The following ARHGAP21 variants were observed in gnomAD, a reference collection of about 807,000 sequenced individuals.
The protein encoded by ARHGAP21 is Rho GTPase activating protein 21, also known as rho GTPase-activating protein 21.
Under a neutral mutation model 164.6 loss-of-function variants are expected in ARHGAP21, and 38 were observed. The ratio of observed to expected loss-of-function variants is 0.23; its 90% CI spans 0.18 to 0.30. The LOEUF (loss-of-function observed/expected upper bound fraction) is 0.30. Ranked by LOEUF, ARHGAP21 falls within the 10% of genes least tolerant of loss-of-function variation. ARHGAP21 has a pLI of 1.00. For missense variants in ARHGAP21, 1,822 were observed against 2,370.7 expected (o/e 0.77, Z 4.81); for synonymous variants, 766 against 857.9 (o/e 0.89, Z 1.87).
rs1239468234 is a variant in ARHGAP21 at position 24,621,362 on chromosome 10, G to A, written c.533C>T (p.Ser178Phe). 6.3e-7 allele frequency: 1 copy of A among 1,597,550 alleles called. No homozygotes were observed. Among genetic ancestry groups the A allele is most frequent in the African/African-American group, 1.3e-5 (1 of 74,572 alleles). The change falls in exon 9 of 26, where the codon TCT (serine) becomes TTT (phenylalanine). Residue 178 changes from serine (S) to phenylalanine (F), a missense_variant. Ser to Phe is a radical substitution (Grantham distance 155, BLOSUM62 -2). Transcript: ENST00000396432. ...GTTGCCTTTCAGGTAGGCATCTTGA[G>A]AATATGCCTGTATAGAAATGAGAGG... is the stretch of plus-strand genomic sequence containing the variant. Reference protein sequence around the residue: ...FTKDVTALAYSQDAYLKGNEA... With the variant: ...FTKDVTALAYFQDAYLKGNEA...
chr10:24,648,747 C>G (rs2131523017), intron 4 of ARHGAP21: 2 of 937,974 alleles, frequency 2.1e-6, no homozygotes, highest in South Asian at 9.9e-5. Context: ...CCATCGCACT[C>G]CAGCCTAAGC....
At chr10:24,654,117 G>A (rs1838525405) in intron 4 of ARHGAP21, among the ~76,000 whole-genome samples, 1 of 152,094 alleles carries the variant, frequency 6.6e-6, no homozygotes, top group Admixed American at 6.6e-5. Flanking sequence ...AGTATTGATG[G>A]GACGTATCTC....
At chr10:24,673,621 G>A (rs1416453836) in intron 2 of ARHGAP21, among the ~76,000 whole-genome samples, 1 of 152,276 alleles carries the variant, frequency 6.6e-6, no homozygotes, top group East Asian at 1.9e-4. Flanking sequence ...CAGCACTTTG[G>A]GAGGCCGAGG....
intron 14 of ARHGAP21, among the ~76,000 whole-genome samples, chr10:24,598,528 T>TA (rs1286166093): frequency 1.3e-5 from 2 of 152,184 alleles, no homozygotes; most frequent in African/African-American, 4.8e-5. Context: ...TATCAGAAGA[T>TA]AAGAGAAAAG....
At chr10:24,655,126 G>C (rs1412265074) in intron 4 of ARHGAP21, among the ~76,000 whole-genome samples, 1 of 152,184 alleles carries the variant, frequency 6.6e-6, no homozygotes, top group East Asian at 1.9e-4. Context: ...AATTCAACAT[G>C]GATTAAAGAC....
Position 24,596,747 on chromosome 10 carries a change from G to C in ARHGAP21, c.3470C>G (p.Thr1157Ser). Reference sequence around the variant, plus strand: ...TGGGCTGGTGTCTCCTACCCGATTAGTATGAGCTGGTGGGCAGTCATCTAG... The same window carrying C: ...TGGGCTGGTGTCTCCTACCCGATTACTATGAGCTGGTGGGCAGTCATCTAG... ...VRLDDCPPAH[T>S]NRYIPLIVDI... is the part of the protein sequence containing the mutation. Residue 1157 changes from threonine (T) to serine (S), a missense_variant, in exon 17 of 26, where the codon ACT becomes AGT. By Grantham distance (58) the Thr-to-Ser change is moderately conservative. Around this residue, in one of 5 missense-constraint regions of ARHGAP21, gnomAD observed 117 missense variants for 238.1 expected, o/e 0.49. Transcript: ENST00000396432. 4.3e-6 allele frequency: 7 copies of C among 1,613,372 alleles called. No homozygotes were observed. In the East Asian group the frequency reaches 1.6e-4, roughly 36 times the overall value.
rs143526967 is a variant in ARHGAP21, at chr10:24,659,547, T to A, written c.268+7438A>T. Among the ~76,000 whole-genome samples, 1,449 of 152,278 alleles carry A rather than the reference T, an allele frequency of 9.5e-3. 7 individuals carry two copies. Among genetic ancestry groups the A allele is most frequent in the Middle Eastern group, 0.037 (11 of 294 alleles). ...TCAGGCTGGTCTCGAACTCCCAACC[T>A]CAGGTGATCTGCCCACCTCGGCCTC... On this transcript the variant is annotated intron_variant, in intron 4 of 25. Transcript: ENST00000396432.
intron 16 of ARHGAP21, 41 bp from the exon 17 acceptor site, chr10:24,596,923 G>A: frequency 1.3e-6 from 2 of 1,569,218 alleles, no homozygotes; most frequent in African/African-American, 1.4e-5. Context: ...TAATAAAATG[G>A]AAATGAGTGT....
intron 2 of ARHGAP21, among the ~76,000 whole-genome samples, chr10:24,718,076 A>G (rs571607978): frequency 6.6e-5 from 10 of 152,312 alleles, no homozygotes; most frequent in African/African-American, 2.4e-4. Flanking sequence ...GTGGTTCATC[A>G]GTGAGATGCA....
chr10:24,617,258 GA>G (rs1834041331), intron 9 of ARHGAP21, among the ~76,000 whole-genome samples: 1 of 151,814 alleles, frequency 6.6e-6, no homozygotes, highest in African/African-American at 2.4e-5. Flanking sequence ...TCATAACTAG[GA>G]AGAAATATTA....
At chr10:24,648,651 G>C (rs974135932) in intron 4 of ARHGAP21, among the ~76,000 whole-genome samples, 1 of 151,998 alleles carries the variant, frequency 6.6e-6, no homozygotes, top group African/African-American at 2.4e-5. Flanking sequence ...GTGGTGGTAG[G>C]TGCCTATAAA....
At chr10:24,646,962 T>C (rs999790098) in intron 4 of ARHGAP21, among the ~76,000 whole-genome samples, 3 of 152,232 alleles carry the variant, frequency 2.0e-5, no homozygotes, top group Non-Finnish European at 4.4e-5. Context: ...GAGGAGAAAT[T>C]AATATTCTGC....
At chr10:24,650,780 C>T (rs531680883) in intron 4 of ARHGAP21, among the ~76,000 whole-genome samples, 53 of 152,262 alleles carry the variant, frequency 3.5e-4, no homozygotes, top group African/African-American at 1.2e-3. Flanking sequence ...TGTGTGAAGG[C>T]ACCAGAAAGC....
intron 4 of ARHGAP21, among the ~76,000 whole-genome samples, chr10:24,656,481 CT>C (rs1838959203): frequency 1.5e-5 from 1 of 64,800 alleles, no homozygotes; most frequent in African/African-American, 7.2e-5. Context: ...TGAGGAGCCC[CT>C]CTGCCCGGCC....
intron 2 of ARHGAP21, among the ~76,000 whole-genome samples, chr10:24,689,733 T>C (rs1233034030): frequency 6.6e-6 from 1 of 151,818 alleles, no homozygotes; most frequent in Admixed American, 6.6e-5. Flanking sequence ...AGGGTCAAGG[T>C]CTCTTGTCTC....
chr10:24,673,597 C>A (rs545161118), intron 2 of ARHGAP21, among the ~76,000 whole-genome samples: 1 of 152,240 alleles, frequency 6.6e-6, no homozygotes, highest in South Asian at 2.1e-4. Context: ...CGTGGTGGCT[C>A]ACGCCTGTAA....
At chr10:24,600,519 C>G in intron 14 of ARHGAP21, 127 bp downstream of exon 14, 1 of 1,195,622 alleles carries the variant, frequency 8.4e-7, no homozygotes, top group Non-Finnish European at 1.1e-6. Context: ...TCCTTTTCAT[C>G]AACTGTTTTA....
chr10:24,601,308 G>T (rs1384269137), intron 13 of ARHGAP21, among the ~76,000 whole-genome samples: 2 of 152,238 alleles, frequency 1.3e-5, no homozygotes, highest in Non-Finnish European at 2.9e-5. Flanking sequence ...ACAAATGACA[G>T]ATACTGCAGG....
At chr10:24,660,458 G>A (rs1007646380) in intron 4 of ARHGAP21, among the ~76,000 whole-genome samples, 2 of 138,476 alleles carry the variant, frequency 1.4e-5, no homozygotes, top group African/African-American at 5.4e-5. Flanking sequence ...CTTCAGAAAA[G>A]AGATCCATGT....
Sources: gnomAD v4.1 joint callset for allele counts (sites outside exome capture counted in the v4.1 genomes callset) on GRCh38, gnomAD v4.1.1 for gene constraint, gnomAD v4.1.1 regional missense constraint, MANE v1.5 for transcripts, NCBI Gene and HGNC (gene_info 2026-07-23, HGNC 2026-07-21) for gene names.